The following LYPD6 variants were observed in gnomAD, a reference collection of about 807,000 sequenced individuals.
LYPD6 encodes the protein LY6/PLAUR domain containing 6.
In LYPD6, 15 loss-of-function variants were observed where a neutral mutation model predicts 22.7. The ratio of observed to expected loss-of-function variants is 0.66; its 90% CI spans 0.44 to 1.02. LYPD6 has a LOEUF of 1.02. LYPD6 is among the 50% of genes least tolerant of loss of function. The pLI is 0.00. For missense variants in LYPD6, 189 were observed against 208.4 expected (o/e 0.91, Z 0.57); for synonymous variants, 72 against 77.5 (o/e 0.93, Z 0.37).
chr2:149,356,122 T>C (rs1415888882), intron 1 of LYPD6, among the ~76,000 whole-genome samples: 1 of 152,086 alleles, frequency 6.6e-6, no homozygotes, highest in Non-Finnish European at 1.5e-5. Context: ...CTGATTTCAT[T>C]CTTTCTTAAT....
At position 149,345,306 on chromosome 2, in the gene LYPD6, A is replaced by ATTTT. The variant is rs3073147; in HGVS notation, c.-72+14599_-72+14602dup. On this transcript the variant is annotated intron_variant, in intron 1 of 4. Coordinates refer to ENST00000334166, the MANE Select transcript of LYPD6 (RefSeq NM_194317.5). The stretch of plus-strand genomic sequence containing the variant: ...TGTCTATGGTCCACCCTTAATTTAA[A>ATTTT]TTTTTTTTTTTTTTTTTTGAGACGG... Among the ~76,000 whole-genome samples, 710 of 127,312 alleles carry ATTTT rather than the reference A, an allele frequency of 5.6e-3. 29 individuals carry two copies. The highest frequency in any genetic ancestry group is 0.02 in the African/African-American group (644 of 32,168). 83.5% of individuals were successfully genotyped at this position (127,312 alleles called of 152,430 possible).
chr2:149,476,575 A>G (rs1444077368), downstream of LYPD6, among the ~76,000 whole-genome samples: 1 of 152,162 alleles, frequency 6.6e-6, no homozygotes, highest in African/African-American at 2.4e-5. Flanking sequence ...GTGTATCTGA[A>G]AAGCAACTCT....
intron 1 of LYPD6, among the ~76,000 whole-genome samples, chr2:149,333,773 A>C (rs771296193): frequency 2.0e-5 from 3 of 152,204 alleles, no homozygotes; most frequent in Non-Finnish European, 4.4e-5. Flanking sequence ...CGTTATTGTT[A>C]GCTGTTGGTA....
intron 1 of LYPD6, among the ~76,000 whole-genome samples, chr2:149,425,352 T>C (rs1318441756): frequency 6.6e-6 from 1 of 152,344 alleles, no homozygotes; most frequent in East Asian, 1.9e-4. Flanking sequence ...AGCTCAAGAA[T>C]TTGAGTATTA....
chr2:149,435,562 T>A (rs372120423), intron 1 of LYPD6, among the ~76,000 whole-genome samples: 12 of 152,298 alleles, frequency 7.9e-5, no homozygotes, highest in African/African-American at 2.6e-4. Flanking sequence ...AAAAGCCAGA[T>A]GGATGTGGAA....
At chr2:149,336,930 TG>T (rs1334299714) in intron 1 of LYPD6, among the ~76,000 whole-genome samples, 4,834 of 150,818 alleles carry the variant, frequency 0.032, 276 homozygotes, top group African/African-American at 0.11. Flanking sequence ...TGAAATAACG[TG>T]TGTGTGTGTG....
intron 4 of LYPD6, among the ~76,000 whole-genome samples, chr2:149,470,095 T>C (rs1558819513): frequency 6.6e-6 from 1 of 152,206 alleles, no homozygotes; most frequent in Non-Finnish European, 1.5e-5. Context: ...AAAGTTTTTG[T>C]CACTAACTCT....
intron 3 of LYPD6, among the ~76,000 whole-genome samples, chr2:149,461,915 G>A (rs576133419): frequency 3.1e-4 from 47 of 151,978 alleles, no homozygotes; most frequent in East Asian, 5.8e-4. Flanking sequence ...TGATAACATC[G>A]ATTAAAAACC....
intron 1 of LYPD6, among the ~76,000 whole-genome samples, chr2:149,374,570 A>T (rs184555526): frequency 2.6e-5 from 4 of 152,190 alleles, no homozygotes; most frequent in Admixed American, 2.6e-4. Flanking sequence ...GTCCCTGACA[A>T]TCTCCCTTCT....
At chr2:149,353,824 C>T (rs981107607) in intron 1 of LYPD6, among the ~76,000 whole-genome samples, 16 of 151,732 alleles carry the variant, frequency 1.1e-4, no homozygotes, top group African/African-American at 3.6e-4. Context: ...TCTGACTCTC[C>T]AGCTTGTAAA....
chr2:149,478,233 G>A (rs1174895998), downstream of LYPD6, among the ~76,000 whole-genome samples: 1 of 152,068 alleles, frequency 6.6e-6, no homozygotes, highest in Non-Finnish European at 1.5e-5. Context: ...GAATTCTGGA[G>A]TACCAAGGCA....
intron 1 of LYPD6, among the ~76,000 whole-genome samples, chr2:149,427,765 C>CT (rs1253908905): frequency 6.6e-6 from 1 of 152,210 alleles, no homozygotes; most frequent in Admixed American, 6.5e-5. Context: ...TAAGTACACT[C>CT]TATGATGTTC....
intron 1 of LYPD6, among the ~76,000 whole-genome samples, chr2:149,382,146 T>C (rs1682079849): frequency 6.6e-6 from 1 of 152,208 alleles, no homozygotes; most frequent in South Asian, 2.1e-4. Context: ...AACATAACCT[T>C]GTTAATGGAA....
chr2:149,423,646 T>C (rs1000079869), intron 1 of LYPD6, among the ~76,000 whole-genome samples: 16 of 151,994 alleles, frequency 1.1e-4, no homozygotes, highest in Non-Finnish European at 2.9e-5. Flanking sequence ...TGAAATACTC[T>C]ATGCCTCAAT....
intron 1 of LYPD6, among the ~76,000 whole-genome samples, chr2:149,335,928 A>G (rs796226999): frequency 1.7e-4 from 26 of 152,234 alleles, no homozygotes; most frequent in African/African-American, 6.0e-4. Context: ...TTGTGTAAAT[A>G]TACTCTGTGA....
At chr2:149,339,985 A>G (rs1458280323) in intron 1 of LYPD6, among the ~76,000 whole-genome samples, 1 of 152,110 alleles carries the variant, frequency 6.6e-6, no homozygotes, top group Non-Finnish European at 1.5e-5. Flanking sequence ...AGCAGTTATG[A>G]CTTGTTCTCA....
intron 1 of LYPD6, among the ~76,000 whole-genome samples, chr2:149,359,807 A>G (rs757763865): frequency 6.6e-6 from 1 of 152,204 alleles, no homozygotes; most frequent in Non-Finnish European, 1.5e-5. Context: ...ATTACTAGAA[A>G]GGGATCCCAA....
chr2:149,382,327 A>T (rs57933649), intron 1 of LYPD6, among the ~76,000 whole-genome samples: 1 of 152,314 alleles, frequency 6.6e-6, no homozygotes, highest in East Asian at 1.9e-4. Context: ...TGCCATACGC[A>T]TAAGTAATAT....
At chr2:149,349,535 G>A (rs1681321714) in intron 1 of LYPD6, among the ~76,000 whole-genome samples, 1 of 152,150 alleles carries the variant, frequency 6.6e-6, no homozygotes, top group African/African-American at 2.4e-5. Flanking sequence ...GTCATGATGG[G>A]ATTTTCTCAT....
Sources: allele counts gnomAD v4.1 joint callset (sites outside exome capture counted in the v4.1 genomes callset), GRCh38; gene constraint gnomAD v4.1.1; transcripts MANE v1.5; gene names NCBI Gene and HGNC (gene_info 2026-07-23, HGNC 2026-07-21).